ATRNL1: variants seen among roughly 807,000 people sequenced by gnomAD.
ATRNL1 encodes attractin like 1, also known as attractin-like protein 1.
In ATRNL1, 95 loss-of-function variants were observed where a neutral mutation model predicts 182.7. The ratio of observed to expected loss-of-function variants is 0.52; its 90% CI spans 0.44 to 0.62. ATRNL1 has a LOEUF of 0.62. Among genes scored for constraint, ATRNL1 ranks in the 20% least tolerant of loss-of-function variants. The pLI, the probability that ATRNL1 is intolerant of heterozygous loss-of-function variation, is 0.00. For missense variants in ATRNL1, 1,471 were observed against 1,679.5 expected (o/e 0.88, Z 2.17); for synonymous variants, 576 against 568.3 (o/e 1.01, Z -0.19).
intron 8 of ATRNL1, among the ~76,000 whole-genome samples, chr10:115,208,810 T>C (rs1848904934): frequency 6.6e-6 from 1 of 152,024 alleles, no homozygotes; most frequent in Admixed American, 6.6e-5. Context: ...GTTTTCTGTG[T>C]GTGCAAGCTG....
intron 27 of ATRNL1, among the ~76,000 whole-genome samples, chr10:115,805,314 CA>C (rs1328298029): frequency 7.9e-5 from 12 of 152,182 alleles, no homozygotes; most frequent in African/African-American, 2.7e-4. Flanking sequence ...CAAGATGCTG[CA>C]TTTTTTTGTA....
intron 5 of ATRNL1, among the ~76,000 whole-genome samples, chr10:115,152,257 C>T (rs1333977049): frequency 6.6e-6 from 1 of 152,154 alleles, no homozygotes; most frequent in South Asian, 2.1e-4. Context: ...TGAAGAAAGT[C>T]ATTGGTAGCT....
chr10:115,389,591 T>TATATATATATATATATATATA (rs1564990359), intron 19 of ATRNL1, among the ~76,000 whole-genome samples: 1 of 105,710 alleles, frequency 9.5e-6, no homozygotes, highest in Non-Finnish European at 1.8e-5. Flanking sequence ...TATATATATA[T>TATATATATATATATATATATA]TTCATCCAAT....
chr10:115,544,640 G>T (rs1463827589), intron 25 of ATRNL1, among the ~76,000 whole-genome samples: 2 of 152,126 alleles, frequency 1.3e-5, no homozygotes, highest in Non-Finnish European at 2.9e-5. Context: ...CTTTTCCCCT[G>T]ACCCGAATAC....
At chr10:115,521,806 T>C (rs1440718380) in intron 25 of ATRNL1, among the ~76,000 whole-genome samples, 2 of 152,144 alleles carry the variant, frequency 1.3e-5, no homozygotes, top group Non-Finnish European at 2.9e-5. Context: ...CTTAAAAAAC[T>C]GGGTCATTGT....
At chr10:115,382,595 T>C (rs1203302845) in intron 19 of ATRNL1, among the ~76,000 whole-genome samples, 3 of 151,994 alleles carry the variant, frequency 2.0e-5, no homozygotes, top group Non-Finnish European at 2.9e-5. Flanking sequence ...ATAGACTTTT[T>C]GTGGATTATT....
At chr10:115,715,851 A>G (rs1947232836) in intron 26 of ATRNL1, among the ~76,000 whole-genome samples, 1 of 152,218 alleles carries the variant, frequency 6.6e-6, no homozygotes, top group Non-Finnish European at 1.5e-5. Flanking sequence ...GGAAAGTCAC[A>G]GCACTTCTGA....
chr10:115,230,672 C>T (rs782027929), intron 9 of ATRNL1, among the ~76,000 whole-genome samples: 4 of 151,804 alleles, frequency 2.6e-5, no homozygotes, highest in Non-Finnish European at 4.4e-5. Flanking sequence ...TTTACAGGAG[C>T]GGTGTTGTAA....
chr10:115,206,018 G>C (rs1848781074), intron 8 of ATRNL1, among the ~76,000 whole-genome samples: 1 of 152,052 alleles, frequency 6.6e-6, no homozygotes, highest in Non-Finnish European at 1.5e-5. Context: ...TGACTGTATA[G>C]ATTATCTTAG....
chr10:115,454,035 T>G (rs1330677292), intron 21 of ATRNL1, among the ~76,000 whole-genome samples: 3 of 152,136 alleles, frequency 2.0e-5, no homozygotes, highest in African/African-American at 7.2e-5. Flanking sequence ...GTTTGATGGT[T>G]TCAGGTTTTA....
At chr10:115,632,874 ATT>A (rs1207174110) in intron 26 of ATRNL1, among the ~76,000 whole-genome samples, 183 of 147,506 alleles carry the variant, frequency 1.2e-3, no homozygotes, top group African/African-American at 4.4e-3. Flanking sequence ...TTTTTATTTT[ATT>A]TTATTTTATT....
At chr10:115,600,274 T>A (rs1555015481) in intron 26 of ATRNL1, among the ~76,000 whole-genome samples, 1 of 152,202 alleles carries the variant, frequency 6.6e-6, no homozygotes, top group East Asian at 1.9e-4. Context: ...TGCCTAATAG[T>A]ACAATTTCTG....
chr10:115,309,525 T>C, intron 17 of ATRNL1, among the ~76,000 whole-genome samples: 1 of 152,126 alleles, frequency 6.6e-6, no homozygotes, highest in East Asian at 1.9e-4. Flanking sequence ...TATTTTATTT[T>C]TGCAGCTGTT....
At chr10:115,353,386 A>G (rs1483243245) in intron 19 of ATRNL1, among the ~76,000 whole-genome samples, 1 of 152,106 alleles carries the variant, frequency 6.6e-6, no homozygotes, top group East Asian at 1.9e-4. Flanking sequence ...AGGTATAGCT[A>G]TTCTTGTTTT....
intron 24 of ATRNL1, among the ~76,000 whole-genome samples, chr10:115,492,555 G>A (rs1376279399): frequency 1.0e-4 from 15 of 145,606 alleles, no homozygotes; most frequent in African/African-American, 3.8e-4. Flanking sequence ...GATATTTTAT[G>A]TGTATATTTT....
chr10:115,741,065 A>G (rs1555067530), intron 27 of ATRNL1, among the ~76,000 whole-genome samples: 1 of 152,182 alleles, frequency 6.6e-6, no homozygotes, highest in Non-Finnish European at 1.5e-5. Context: ...AATTGTCTCC[A>G]CAAATATTGA....
intron 26 of ATRNL1, among the ~76,000 whole-genome samples, chr10:115,653,704 A>G (rs2133886760): frequency 6.6e-6 from 1 of 152,264 alleles, no homozygotes; most frequent in Non-Finnish European, 1.5e-5. Flanking sequence ...TCATGCTGTT[A>G]TGGAATTTCC....
At chr10:115,332,007 G>A (rs1855250242) in intron 18 of ATRNL1, among the ~76,000 whole-genome samples, 1 of 152,188 alleles carries the variant, frequency 6.6e-6, no homozygotes, top group South Asian at 2.1e-4. Context: ...TCTCTGTGCT[G>A]CCTGTTACTA....
chr10:115,607,390 A>T (rs1413189626), intron 26 of ATRNL1, among the ~76,000 whole-genome samples: 3 of 151,854 alleles, frequency 2.0e-5, no homozygotes, highest in African/African-American at 7.2e-5. Flanking sequence ...AAAATTACTT[A>T]AAAAATGATA....
Sources: allele counts gnomAD v4.1 joint callset (sites outside exome capture counted in the v4.1 genomes callset), GRCh38; gene constraint gnomAD v4.1.1; transcripts MANE v1.5; gene names NCBI Gene and HGNC (gene_info 2026-07-23, HGNC 2026-07-21).